The following ZBTB38 variants were observed in gnomAD, a reference collection of about 807,000 sequenced individuals.
ZBTB38 encodes zinc finger and BTB domain containing 38.
ZBTB38 carries 20 observed loss-of-function variants against 76.8 expected under a neutral mutation model. The ratio of observed to expected loss-of-function variants is 0.26; its 90% CI spans 0.18 to 0.38. The LOEUF is 0.38. Among genes scored for constraint, ZBTB38 ranks in the 10% least tolerant of loss-of-function variants. The pLI is 1.00. For missense variants in ZBTB38, 1,082 were observed against 1,482.3 expected (o/e 0.73, Z 4.43); for synonymous variants, 504 against 544.2 (o/e 0.93, Z 1.03).
Position 141,449,093 on chromosome 3 carries a change from A to T in ZBTB38, c.*3117A>T, listed in dbSNP as rs970736905. 2 of 152,228 alleles carry T rather than the reference A, an allele frequency of 1.3e-5. No individual in the cohort carries two copies. Among genetic ancestry groups the T allele is most frequent in the African/African-American group, 4.8e-5 (2 of 41,442 alleles). 9.4% of individuals were successfully genotyped at this position (152,228 alleles called of 1,614,324 possible). On this transcript the variant is annotated 3_prime_UTR_variant, in exon 6 of 6. Coordinates refer to ENST00000321464, the MANE Select transcript of ZBTB38 (RefSeq NM_001376113.1). ...ACACGCACCAGAATTCGACCTCATT[A>T]TCCTCGTTTTATAGTGACTTTGAGA...
At chr3:141,430,019 C>T (rs1332800740) in intron 5 of ZBTB38, among the ~76,000 whole-genome samples, 1 of 152,136 alleles carries the variant, frequency 6.6e-6, no homozygotes, top group East Asian at 1.9e-4. Context: ...TTGAGCAGGG[C>T]TTGACTTGAT....
At chr3:141,437,352 T>C (rs6770937) in intron 5 of ZBTB38, among the ~76,000 whole-genome samples, 1,524 of 152,318 alleles carry the variant, frequency 0.01, 35 homozygotes, top group African/African-American at 0.035. Context: ...CTGCCTCCCT[T>C]ACTCTCTGTT....
At chr3:141,390,937 T>C (rs1472532917) in intron 4 of ZBTB38, among the ~76,000 whole-genome samples, 1 of 152,146 alleles carries the variant, frequency 6.6e-6, no homozygotes, top group Non-Finnish European at 1.5e-5. Context: ...GGAGGATTGC[T>C]TGAGACCAGG....
chr3:141,361,501 T>C (rs905949580), intron 1 of ZBTB38, among the ~76,000 whole-genome samples: 4 of 152,234 alleles, frequency 2.6e-5, no homozygotes. Flanking sequence ...TCACACAGTA[T>C]GTTAAGTGGT....
intron 5 of ZBTB38, among the ~76,000 whole-genome samples, chr3:141,423,949 G>T (rs1446171093): frequency 6.6e-6 from 1 of 152,186 alleles, no homozygotes; most frequent in Non-Finnish European, 1.5e-5. Context: ...TCTGTAAACA[G>T]ATCGGAGAGG....
intron 5 of ZBTB38, among the ~76,000 whole-genome samples, chr3:141,408,408 A>G (rs1448300758): frequency 2.0e-5 from 3 of 152,184 alleles, no homozygotes; most frequent in African/African-American, 4.8e-5. Context: ...TTAGCCAGGC[A>G]TGGTGGCGCA....
rs899576261 is a variant in ZBTB38 at position 141,434,137 on chromosome 3, A to T, written c.1-8252A>T. 1.7e-5 allele frequency: 16 copies of T among 951,510 alleles called. No homozygotes were observed. In the African/African-American group the frequency reaches 1.8e-4, roughly 11 times the overall value. 58.9% of individuals were successfully genotyped at this position (951,510 alleles called of 1,614,324 possible). A position where few individuals can be genotyped will look rare whatever the true frequency, so the allele number is the denominator to read the frequency against. On this transcript the variant is annotated intron_variant, in intron 5 of 5. Transcript: ENST00000321464. ...GGAAGATATAAATGTGAACAAATGCATGATACCGTACATTGTAATGATGGG... is the reference window on the plus strand; with the variant it reads ...GGAAGATATAAATGTGAACAAATGCTTGATACCGTACATTGTAATGATGGG...
At chr3:141,403,415 G>C (rs1175500150) in intron 4 of ZBTB38, among the ~76,000 whole-genome samples, 2 of 152,182 alleles carry the variant, frequency 1.3e-5, no homozygotes, top group Non-Finnish European at 2.9e-5. Context: ...AAGATTGTGG[G>C]ATCAGTTTAG....
chr3:141,440,146 A>C (rs543541479), intron 5 of ZBTB38, among the ~76,000 whole-genome samples: 3 of 152,366 alleles, frequency 2.0e-5, no homozygotes, highest in Admixed American at 6.5e-5. Context: ...CAGAAGAACT[A>C]ATGTTAAATA....
Position 141,448,372 on chromosome 3 carries a change from A to G in ZBTB38, c.*2396A>G, listed in dbSNP as rs1295414737. On this transcript the variant is annotated 3_prime_UTR_variant, in exon 6 of 6. Transcript: ENST00000321464. ...GGGGTGTATATTTTGATAAAAAAAT[A>G]CTTGACTTTGTAATTCTGTATATTC... is the stretch of plus-strand genomic sequence containing the variant. 1 of 152,632 alleles carries G rather than the reference A, an allele frequency of 6.6e-6. No individual in the cohort carries two copies. The highest frequency in any genetic ancestry group is 1.5e-5 in the Non-Finnish European group (1 of 68,010). The allele number at this position is 152,632 out of a possible 1,614,324, so 9.5% of individuals were successfully genotyped here.
At chr3:141,346,817 G>GTGTGTGTGT (rs1559915420) in intron 1 of ZBTB38, among the ~76,000 whole-genome samples, 1 of 59,772 alleles carries the variant, frequency 1.7e-5, no homozygotes, top group African/African-American at 6.9e-5. Flanking sequence ...TGTGTGTGTG[G>GTGTGTGTGT]TGCAATGCTC....
upstream of ZBTB38, chr3:141,367,796 A>G (rs1944026094): frequency 6.6e-6 from 1 of 152,230 alleles, no homozygotes; most frequent in African/African-American, 2.4e-5. Flanking sequence ...AGAGGCTTGA[A>G]TGTTCACTCT....
At chr3:141,362,357 A>C (rs1943847146) in intron 1 of ZBTB38, among the ~76,000 whole-genome samples, 1 of 152,224 alleles carries the variant, frequency 6.6e-6, no homozygotes, top group African/African-American at 2.4e-5. Context: ...ATTGGGTAGC[A>C]ACCTCTAGAC....
In ZBTB38 at chr3:141,352,001, T is replaced by G. The variant is rs538536266; in HGVS notation, c.-738-16620T>G. Among the ~76,000 whole-genome samples the G allele has an allele frequency of 2.1e-4, 32 of 152,166 alleles. 2 individuals are homozygous for G. The South Asian group carries it at 6.6e-3, about 32-fold the overall frequency. ...GTTTACTTCTCATTATTTAATTCAG[T>G]TCCATATTGACTGAGTACTTGAGAC... On this transcript the variant is annotated intron_variant, in intron 1 of 7. Transcript: ENST00000509842.
intron 1 of ZBTB38, among the ~76,000 whole-genome samples, chr3:141,340,195 G>T (rs1465043869): frequency 1.2e-4 from 18 of 152,176 alleles, no homozygotes; most frequent in Non-Finnish European, 7.4e-5. Context: ...TAAGTAATTT[G>T]TTAAAACCTA....
Position 141,444,546 on chromosome 3 carries a change from A to G in ZBTB38, c.2158A>G (p.Ser720Gly). Reference sequence around the variant, plus strand: ...CTCTGCACCCTCGGTCATTGTACACAGCAGCCAGTTTTCATCGGTGATCAT... The same window carrying G: ...CTCTGCACCCTCGGTCATTGTACACGGCAGCCAGTTTTCATCGGTGATCAT... Reference protein sequence around the residue: ...SGSAPSVIVHSSQFSSVIMHS... With the variant: ...SGSAPSVIVHGSQFSSVIMHS... Residue 720 changes from serine to glycine, a missense_variant, in exon 6 of 6, where the codon AGC becomes GGC. Coordinates refer to ENST00000321464, the MANE Select transcript of ZBTB38 (RefSeq NM_001376113.1). The surrounding 1 kb of genome is among the most constrained non-coding windows in gnomAD (Gnocchi z 5.1). 1 of 1,614,198 alleles carries G rather than the reference A, an allele frequency of 6.2e-7. No homozygotes were observed. Among genetic ancestry groups the G allele is most frequent in the Non-Finnish European group, 8.5e-7 (1 of 1,180,034 alleles).
intron 5 of ZBTB38, among the ~76,000 whole-genome samples, chr3:141,407,157 A>T (rs1393012620): frequency 6.6e-6 from 1 of 152,262 alleles, no homozygotes; most frequent in Non-Finnish European, 1.5e-5. Context: ...TGTTGACTCA[A>T]AAAGTTTCTA....
chr3:141,375,556 A>C (rs912511477), intron 2 of ZBTB38, among the ~76,000 whole-genome samples: 3 of 152,226 alleles, frequency 2.0e-5, no homozygotes, highest in African/African-American at 7.2e-5. Context: ...AGGTGGTAGC[A>C]CTGAAGAAGC....
rs774109110 is a variant in ZBTB38 at position 141,444,272 on chromosome 3, T to G, written c.1884T>G (p.Ser628Arg). The change falls in exon 6 of 6, where the codon AGT (serine) becomes AGG (arginine). Residue 628 changes from serine (S) to arginine (R), a missense_variant. By Grantham distance (110) the Ser-to-Arg change is moderately radical (BLOSUM62 -1). Around this residue, in one of 8 missense-constraint regions of ZBTB38, gnomAD observed 471 missense variants for 581.0 expected, o/e 0.81. Coordinates refer to ENST00000321464, the MANE Select transcript of ZBTB38 (RefSeq NM_001376113.1). This position sits in a 1 kb window ranked among gnomAD's most constrained non-coding sequence, Gnocchi z 5.1. ...ATACTGTAAACACCCTGACCAACAG[T>G]CCAGCCATCCCATTGGAAACATCTG... ...FQDTVNTLTN[S>R]PAIPLETSAC... The G allele has an allele frequency of 6.2e-7, 1 of 1,614,194 alleles. No homozygotes were observed. Among genetic ancestry groups the G allele is most frequent in the Non-Finnish European group, 8.5e-7 (1 of 1,180,028 alleles).
Sources: gnomAD v4.1 joint callset for allele counts (sites outside exome capture counted in the v4.1 genomes callset) on GRCh38, gnomAD v4.1.1 for gene constraint, gnomAD v4.1.1 regional missense constraint, Gnocchi (gnomAD v3.1) non-coding constraint, MANE v1.5 for transcripts, NCBI Gene and HGNC (gene_info 2026-07-23, HGNC 2026-07-21) for gene names.